MTMR8: variants seen among roughly 807,000 people sequenced by gnomAD.
The protein encoded by MTMR8 is myotubularin related protein 8.
In MTMR8, 65 loss-of-function variants were observed where a neutral mutation model predicts 39.3. That is an observed-to-expected ratio of 1.65 (90% confidence interval 1.35 to 2.03). The LOEUF (loss-of-function observed/expected upper bound fraction) is 2.03. MTMR8 is among the 30% of genes most tolerant of loss of function. The pLI is 0.00. For missense variants in MTMR8, 777 were observed against 538.9 expected (o/e 1.44, Z -4.37); for synonymous variants, 245 against 185.2 (o/e 1.32, Z -2.62).
At chrX:64,298,582 T>A (rs60933079) in intron 12 of MTMR8, among the ~76,000 whole-genome samples, 1 of 85,256 alleles carries the variant, frequency 1.2e-5, no homozygotes, top group African/African-American at 1.2e-4. Flanking sequence ...CCTTCTCCTG[T>A]CTAATTGCCC....
At chrX:64,382,427 T>C (rs895996634) in intron 1 of MTMR8, among the ~76,000 whole-genome samples, 32 of 111,786 alleles carry the variant, frequency 2.9e-4, no homozygotes, top group Non-Finnish European at 5.1e-4. Flanking sequence ...TGTATAAGAA[T>C]GCTTGTGGTT....
At chrX:64,294,942 T>C (rs1302309910) in intron 12 of MTMR8, among the ~76,000 whole-genome samples, 2 of 111,585 alleles carry the variant, frequency 1.8e-5, no homozygotes, top group Non-Finnish European at 3.8e-5. Flanking sequence ...ACAAGACCTC[T>C]TTATTAAATC....
chrX:64,386,014 C>T (rs899576065), intron 1 of MTMR8, among the ~76,000 whole-genome samples: 9 of 110,730 alleles, frequency 8.1e-5, no homozygotes, highest in East Asian at 2.8e-4. Context: ...GATCCCCAAA[C>T]GGACCAGTTT....
At chrX:64,340,282 A>G (rs749200349) in intron 8 of MTMR8, among the ~76,000 whole-genome samples, 1 of 112,259 alleles carries the variant, frequency 8.9e-6, no homozygotes, top group African/African-American at 3.2e-5. Flanking sequence ...GAAAGCTGGA[A>G]TTATAAAAAG....
chrX:64,382,128 A>G (rs1380307907), intron 1 of MTMR8, among the ~76,000 whole-genome samples: 2 of 111,563 alleles, frequency 1.8e-5, no homozygotes, highest in Non-Finnish European at 3.8e-5. Flanking sequence ...TAGTTTTTCC[A>G]ATTCTGTGAA....
intron 6 of MTMR8, 116 bp from the exon 7 acceptor site, chrX:64,345,293 T>C (rs1312787470): frequency 1.4e-6 from 1 of 732,261 alleles, no homozygotes; most frequent in Non-Finnish European, 2.0e-6. Flanking sequence ...AAAAAGAAGT[T>C]AAATCAGATG....
Position 64,385,893 on chromosome X carries a change from T to C in MTMR8, c.24+9447A>G, listed in dbSNP as rs181750132. Among the ~76,000 whole-genome samples the C allele has an allele frequency of 2.1e-3, 229 of 111,335 alleles. 1 individual carries two copies. The highest frequency in any genetic ancestry group is 7.0e-3 in the African/African-American group (215 of 30,554). On this transcript the variant is annotated intron_variant, in intron 1 of 13. Coordinates refer to ENST00000374852, the MANE Select transcript of MTMR8 (RefSeq NM_017677.4). Reference sequence around the variant, plus strand: ...AAGATCCTAATCACATCAGAGACCATTGTTTTGGACAGAGCTCCTGCACTT... The same window carrying C: ...AAGATCCTAATCACATCAGAGACCACTGTTTTGGACAGAGCTCCTGCACTT...
intron 12 of MTMR8, among the ~76,000 whole-genome samples, chrX:64,307,697 A>G (rs772821895): frequency 9.0e-4 from 101 of 111,684 alleles, no homozygotes; most frequent in Non-Finnish European, 1.7e-3. Context: ...CTTTACATAC[A>G]CATTTTAGAA....
chrX:64,388,990 T>G (rs1356703357), intron 1 of MTMR8, among the ~76,000 whole-genome samples: 1 of 112,027 alleles, frequency 8.9e-6, no homozygotes, highest in Non-Finnish European at 1.9e-5. Context: ...CTATAGTACA[T>G]GGGTAAAGAG....
intron 12 of MTMR8, among the ~76,000 whole-genome samples, chrX:64,324,614 G>T (rs1175834471): frequency 9.1e-6 from 1 of 110,184 alleles, no homozygotes; most frequent in Non-Finnish European, 1.9e-5. Context: ...GAGCACAGGA[G>T]GTCAAGGCTG....
chrX:64,364,615 G>A (rs1923893651), intron 1 of MTMR8, among the ~76,000 whole-genome samples: 1 of 111,626 alleles, frequency 9.0e-6, no homozygotes, highest in Non-Finnish European at 1.9e-5. Context: ...TACGTAACCA[G>A]CATCAAAGAC....
At chrX:64,314,835 G>A (rs1009982708) in intron 12 of MTMR8, among the ~76,000 whole-genome samples, 10 of 111,695 alleles carry the variant, frequency 9.0e-5, no homozygotes, top group Non-Finnish European at 1.1e-4. Context: ...TAGCTCATCA[G>A]CAGTCAGGTG....
At chrX:64,378,709 T>A (rs1924335455) in intron 1 of MTMR8, among the ~76,000 whole-genome samples, 1 of 112,207 alleles carries the variant, frequency 8.9e-6, no homozygotes, top group Admixed American at 9.5e-5. Context: ...AAATCTAAGG[T>A]CAATAATCTA....
At chrX:64,285,931 C>G (rs989344129) in intron 12 of MTMR8, among the ~76,000 whole-genome samples, 2 of 111,195 alleles carry the variant, frequency 1.8e-5, no homozygotes, top group Non-Finnish European at 3.8e-5. Flanking sequence ...GAAACAAGAA[C>G]AAACACATTC....
At chrX:64,286,092 G>C (rs1287875970) in intron 12 of MTMR8, among the ~76,000 whole-genome samples, 5 of 111,010 alleles carry the variant, frequency 4.5e-5, no homozygotes, top group Non-Finnish European at 7.6e-5. Flanking sequence ...GACTAATAAA[G>C]AATAAAAGAG....
intron 1 of MTMR8, among the ~76,000 whole-genome samples, chrX:64,368,943 G>T (rs1043621621): frequency 8.0e-5 from 9 of 112,215 alleles, no homozygotes; most frequent in African/African-American, 2.9e-4. Context: ...TCAAAAAGTT[G>T]GTGAAGGATA....
chrX:64,312,941 G>T (rs1252686818), intron 12 of MTMR8, among the ~76,000 whole-genome samples: 1 of 112,413 alleles, frequency 8.9e-6, no homozygotes, highest in East Asian at 2.8e-4. Context: ...ACCATGCTGT[G>T]AGCAGACATG....
chrX:64,337,104 A>C (rs1243757854), intron 9 of MTMR8, among the ~76,000 whole-genome samples, 164 bp downstream of exon 9: 2 of 112,461 alleles, frequency 1.8e-5, no homozygotes, highest in African/African-American at 6.5e-5. Flanking sequence ...GAAAGTATAC[A>C]GATAGTACAC....
chrX:64,392,901 G>A (rs182604345), intron 1 of MTMR8, among the ~76,000 whole-genome samples: 89 of 111,095 alleles, frequency 8.0e-4, no homozygotes, highest in African/African-American at 2.7e-3. Context: ...CAAAAGGGAG[G>A]CCATTTTAAT....
Sources: allele counts gnomAD v4.1 joint callset (sites outside exome capture counted in the v4.1 genomes callset), GRCh38; gene constraint gnomAD v4.1.1; transcripts MANE v1.5; gene names NCBI Gene and HGNC (gene_info 2026-07-23, HGNC 2026-07-21).